The following SEMA5A variants were observed in gnomAD, a reference collection of about 807,000 sequenced individuals.
The protein encoded by SEMA5A is semaphorin 5A.
SEMA5A carries 55 observed loss-of-function variants against 135.5 expected under a neutral mutation model. The ratio of observed to expected loss-of-function variants is 0.41; its 90% CI spans 0.33 to 0.51. SEMA5A has a LOEUF of 0.51. SEMA5A is among the 20% of genes least tolerant of loss of function. SEMA5A has a pLI of 0.37. For missense variants in SEMA5A, 1,290 were observed against 1,419.9 expected (o/e 0.91, Z 1.47); for synonymous variants, 580 against 546.5 (o/e 1.06, Z -0.85).
At position 9,318,400 on chromosome 5, in the gene SEMA5A, A is replaced by G; in HGVS notation, c.242T>C (p.Leu81Ser). 6.2e-7 allele frequency: 1 copy of G among 1,612,878 alleles called. No individual in the cohort carries two copies. The highest frequency in any genetic ancestry group is 8.5e-7 in the Non-Finnish European group (1 of 1,179,438). The change falls in exon 5 of 23, where the codon TTA becomes TCA. Residue 81 changes from leucine (L) to serine (S), a missense_variant. Coordinates refer to ENST00000382496, the MANE Select transcript of SEMA5A (RefSeq NM_003966.3). ...GATAAGAGACAGATCCTCAAGCTGT[A>G]ACCTGAAGAGGTAGTTTCTGCAAAA... The part of the protein sequence containing the change: ...VVGARNYLFR[L>S]QLEDLSLIQA...
chr5:9,426,432 T>TAAAATAAAATAAAATAAAATG (rs1554034269), intron 2 of SEMA5A, among the ~76,000 whole-genome samples: 5 of 121,050 alleles, frequency 4.1e-5, no homozygotes, highest in African/African-American at 1.6e-4. Context: ...CTCAAAAAAA[T>TAAAATAAAATAAAATAAAATG]AAATAAAATA....
chr5:9,306,003 A>C (rs1751851430), intron 5 of SEMA5A, among the ~76,000 whole-genome samples: 1 of 152,146 alleles, frequency 6.6e-6, no homozygotes, highest in Non-Finnish European at 1.5e-5. Context: ...TTTCTCTTGA[A>C]AAACTGGCTA....
chr5:9,348,660 C>A (rs768323305), intron 3 of SEMA5A, among the ~76,000 whole-genome samples: 1 of 152,184 alleles, frequency 6.6e-6, no homozygotes, highest in Non-Finnish European at 1.5e-5. Context: ...AGATTTATAA[C>A]TTTAGAATTA....
intron 16 of SEMA5A, among the ~76,000 whole-genome samples, chr5:9,105,547 G>T (rs1432395339): frequency 6.6e-6 from 1 of 152,128 alleles, no homozygotes; most frequent in Non-Finnish European, 1.5e-5. Context: ...GGAACTCAGA[G>T]AAGCAGCTGA....
intron 16 of SEMA5A, among the ~76,000 whole-genome samples, chr5:9,085,432 G>A (rs1738627107): frequency 6.6e-6 from 1 of 152,138 alleles, no homozygotes; most frequent in Non-Finnish European, 1.5e-5. Flanking sequence ...AGGACTCGGT[G>A]TCCTGCATCC....
intron 21 of SEMA5A, chr5:9,046,038 G>A (rs1351035795): frequency 1.3e-5 from 2 of 152,238 alleles, no homozygotes; most frequent in East Asian, 3.8e-4. Context: ...CAGGAGAATT[G>A]GGTAAAGTAA....
At chr5:9,348,782 G>T (rs1753986275) in intron 3 of SEMA5A, among the ~76,000 whole-genome samples, 1 of 152,202 alleles carries the variant, frequency 6.6e-6, no homozygotes, top group African/African-American at 2.4e-5. Flanking sequence ...GTGATAGCCA[G>T]AAGACTGACA....
chr5:9,104,943 A>G (rs1739828503), intron 16 of SEMA5A, among the ~76,000 whole-genome samples: 1 of 152,220 alleles, frequency 6.6e-6, no homozygotes, highest in African/African-American at 2.4e-5. Context: ...TGGTCCCTCA[A>G]TCAGCTGGAC....
intron 2 of SEMA5A, among the ~76,000 whole-genome samples, chr5:9,405,834 G>A (rs921427335): frequency 2.0e-5 from 3 of 152,160 alleles, no homozygotes; most frequent in African/African-American, 7.2e-5. Context: ...GCATATGCAG[G>A]TAAACGATGT....
Position 9,520,848 on chromosome 5 carries a change from C to T in SEMA5A, c.-175+24736G>A, listed in dbSNP as rs149346738. 4.4e-3 allele frequency among the ~76,000 whole-genome samples: 675 copies of T among 152,236 alleles called. 2 individuals carry two copies. The highest frequency in any genetic ancestry group is 0.016 in the African/African-American group (652 of 41,532). On this transcript the variant is annotated intron_variant, in intron 1 of 22. Transcript: ENST00000382496. ...AGGAAAGTCTGAGAAACTGTCACAG[C>T]CAAGAGAAGCCTAAGGAGACAGGCA...
chr5:9,292,337 C>T (rs1294804640), intron 5 of SEMA5A, among the ~76,000 whole-genome samples: 1 of 152,100 alleles, frequency 6.6e-6, no homozygotes, highest in East Asian at 1.9e-4. Context: ...TATGTTAACT[C>T]GTTTACTCAA....
chr5:9,361,472 G>C (rs770689982), intron 3 of SEMA5A, among the ~76,000 whole-genome samples: 2 of 152,174 alleles, frequency 1.3e-5, no homozygotes, highest in Non-Finnish European at 2.9e-5. Context: ...AGGTAGGACT[G>C]AGTCACATAT....
At chr5:9,099,540 G>A (rs1739508881) in intron 16 of SEMA5A, among the ~76,000 whole-genome samples, 1 of 152,112 alleles carries the variant, frequency 6.6e-6, no homozygotes, top group Admixed American at 6.5e-5. Context: ...CTTCATAAAG[G>A]TCAAGGTCAT....
chr5:9,459,155 A>T (rs915795569), intron 1 of SEMA5A, among the ~76,000 whole-genome samples: 1 of 152,216 alleles, frequency 6.6e-6, no homozygotes, highest in African/African-American at 2.4e-5. Context: ...TTCTTTAAAA[A>T]TTAGAACTGT....
chr5:9,232,005 G>C (rs991135485), intron 6 of SEMA5A, among the ~76,000 whole-genome samples: 1 of 152,110 alleles, frequency 6.6e-6, no homozygotes, highest in Admixed American at 6.5e-5. Context: ...ACCTGTCCTT[G>C]ACTTCAAGGC....
chr5:9,440,206 C>T (rs924934444), intron 1 of SEMA5A, among the ~76,000 whole-genome samples: 2 of 152,162 alleles, frequency 1.3e-5, no homozygotes, highest in Non-Finnish European at 2.9e-5. Flanking sequence ...GCAGAGCCCC[C>T]GTGTCCTCTC....
chr5:9,485,588 T>C (rs1426109700), intron 1 of SEMA5A, among the ~76,000 whole-genome samples: 4 of 152,184 alleles, frequency 2.6e-5, no homozygotes, highest in East Asian at 1.9e-4. Context: ...AGCAGGAGCA[T>C]AGTCTGTCTA....
At chr5:9,281,172 C>T (rs1750522392) in intron 5 of SEMA5A, among the ~76,000 whole-genome samples, 1 of 152,190 alleles carries the variant, frequency 6.6e-6, no homozygotes, top group African/African-American at 2.4e-5. Context: ...ACATCAGTTA[C>T]TGTACTTTGA....
At chr5:9,179,122 T>G (rs1744366270) in intron 11 of SEMA5A, among the ~76,000 whole-genome samples, 1 of 152,152 alleles carries the variant, frequency 6.6e-6, no homozygotes, top group Non-Finnish European at 1.5e-5. Flanking sequence ...CTACCCTAAC[T>G]GGGTTTTTGT....
Sources: gnomAD v4.1 joint callset for allele counts (sites outside exome capture counted in the v4.1 genomes callset) on GRCh38, gnomAD v4.1.1 for gene constraint, MANE v1.5 for transcripts, NCBI Gene and HGNC (gene_info 2026-07-23, HGNC 2026-07-21) for gene names.